Variants in RPS6KC1 observed in about 807,000 individuals in gnomAD.
The protein encoded by RPS6KC1 is inactive ribosomal protein S6 kinase delta-1.
A neutral mutation model predicts 103.8 loss-of-function variants in RPS6KC1; 54 were observed. That is an observed-to-expected ratio of 0.52 (90% confidence interval 0.42 to 0.65). RPS6KC1 has a LOEUF of 0.65. Among genes scored for constraint, RPS6KC1 ranks in the 30% least tolerant of loss-of-function variants. RPS6KC1 has a pLI of 0.00. For missense variants in RPS6KC1, 1,151 were observed against 1,253.8 expected (o/e 0.92, Z 1.24); for synonymous variants, 439 against 438.7 (o/e 1.00, Z -0.01).
chr1:213,054,572 A>G (rs1353411421), intron 1 of RPS6KC1, among the ~76,000 whole-genome samples: 1 of 152,222 alleles, frequency 6.6e-6, no homozygotes, highest in Non-Finnish European at 1.5e-5. Context: ...TCTAGCTTCA[A>G]GGAACAATTT....
intron 14 of RPS6KC1, among the ~76,000 whole-genome samples, chr1:213,266,471 C>T (rs2094914441): frequency 2.6e-5 from 4 of 152,098 alleles, no homozygotes. Flanking sequence ...ATTTGAGTGG[C>T]TGTGGCTTCA....
chr1:213,166,330 A>G (rs1250941738), intron 6 of RPS6KC1, among the ~76,000 whole-genome samples: 7 of 152,270 alleles, frequency 4.6e-5, no homozygotes, highest in African/African-American at 1.7e-4. Flanking sequence ...CTCCAGACAC[A>G]GTAAACCCTA....
intron 8 of RPS6KC1, among the ~76,000 whole-genome samples, chr1:213,195,523 T>C (rs2092912600): frequency 6.6e-6 from 1 of 152,214 alleles, no homozygotes; most frequent in Non-Finnish European, 1.5e-5. Context: ...GAATAAGTTC[T>C]TTAGTGGTGA....
the RPS6KC1 span, among the ~76,000 whole-genome samples, chr1:213,539,658 C>T: frequency 6.6e-6 from 1 of 152,212 alleles, no homozygotes; most frequent in African/African-American, 2.4e-5. Context: ...GCCCAGCTGT[C>T]TCTAGTGAGG....
At chr1:213,426,512 C>A in the RPS6KC1 span, among the ~76,000 whole-genome samples, 1,114 of 152,270 alleles carry the variant, frequency 7.3e-3, 15 homozygotes, top group African/African-American at 0.026. Flanking sequence ...CCTTCTATGT[C>A]AATTTTATTT....
the RPS6KC1 span, among the ~76,000 whole-genome samples, chr1:213,561,110 A>C: frequency 6.6e-6 from 1 of 152,208 alleles, no homozygotes; most frequent in African/African-American, 2.4e-5. Context: ...ACCTCAGAGC[A>C]GGGTCTGGTC....
chr1:213,834,107 C>T, the RPS6KC1 span, among the ~76,000 whole-genome samples: 3 of 152,088 alleles, frequency 2.0e-5, no homozygotes, highest in East Asian at 1.9e-4. Context: ...GGCACAATCA[C>T]GGCTCACTGC....
chr1:213,177,296 T>A (rs1455412050), intron 8 of RPS6KC1, among the ~76,000 whole-genome samples: 1 of 152,220 alleles, frequency 6.6e-6, no homozygotes, highest in African/African-American at 2.4e-5. Context: ...GCTTTACCAT[T>A]CAAAGTAAAT....
chr1:213,464,872 A>C, the RPS6KC1 span, among the ~76,000 whole-genome samples: 1 of 152,044 alleles, frequency 6.6e-6, no homozygotes, highest in African/African-American at 2.4e-5. Context: ...TGTGCCACAT[A>C]GTTCTCTCTT....
At chr1:213,333,525 G>A in the RPS6KC1 span, among the ~76,000 whole-genome samples, 1 of 152,220 alleles carries the variant, frequency 6.6e-6, no homozygotes, top group African/African-American at 2.4e-5. Context: ...GAGGTGCTCA[G>A]GGTCAGGTTT....
the RPS6KC1 span, among the ~76,000 whole-genome samples, chr1:213,746,377 C>A: frequency 2.6e-4 from 40 of 152,224 alleles, no homozygotes; most frequent in African/African-American, 9.4e-4. Context: ...AGCACAGCAG[C>A]CCTAAAGTGA....
chr1:213,666,746 T>C, the RPS6KC1 span, among the ~76,000 whole-genome samples: 1 of 152,218 alleles, frequency 6.6e-6, no homozygotes, highest in African/African-American at 2.4e-5. Flanking sequence ...AAAACAAGCC[T>C]GCTCTTACGG....
chr1:213,779,389 C>T, the RPS6KC1 span, among the ~76,000 whole-genome samples: 1 of 152,338 alleles, frequency 6.6e-6, no homozygotes, highest in South Asian at 2.1e-4. Context: ...CTATCTAACT[C>T]CTGGTGCTCA....
At chr1:213,714,817 G>T in the RPS6KC1 span, among the ~76,000 whole-genome samples, 1 of 152,152 alleles carries the variant, frequency 6.6e-6, no homozygotes, top group Non-Finnish European at 1.5e-5. Flanking sequence ...TGCCGCTGGT[G>T]GGGGTGGAGG....
intron 3 of RPS6KC1, among the ~76,000 whole-genome samples, chr1:213,092,110 G>A (rs1474009817): frequency 6.6e-6 from 1 of 152,050 alleles, no homozygotes; most frequent in Admixed American, 6.6e-5. Flanking sequence ...GCAAATGTTA[G>A]TGCAGTAAAA....
At chr1:213,341,931 A>G in the RPS6KC1 span, among the ~76,000 whole-genome samples, 7 of 152,332 alleles carry the variant, frequency 4.6e-5, no homozygotes, top group East Asian at 3.9e-4. Flanking sequence ...TAGCTTGGGT[A>G]GAGTGCTTAG....
the RPS6KC1 span, among the ~76,000 whole-genome samples, chr1:213,308,316 G>GAA: frequency 3.0e-4 from 17 of 55,804 alleles, no homozygotes; most frequent in East Asian, 3.6e-3. Context: ...CCTGTCTCCA[G>GAA]AAAAAAAAAA....
At chr1:213,205,776 A>G (rs1171071286) in intron 8 of RPS6KC1, among the ~76,000 whole-genome samples, 1 of 151,776 alleles carries the variant, frequency 6.6e-6, no homozygotes, top group African/African-American at 2.4e-5. Flanking sequence ...TTAAATGTAT[A>G]TATTATTTAA....
At chr1:213,317,954 A>G in the RPS6KC1 span, among the ~76,000 whole-genome samples, 1 of 152,230 alleles carries the variant, frequency 6.6e-6, no homozygotes, top group South Asian at 2.1e-4. Flanking sequence ...GCAACTGTGC[A>G]TGACACAGAG....
Sources: gnomAD v4.1 joint callset for allele counts (sites outside exome capture counted in the v4.1 genomes callset) on GRCh38, gnomAD v4.1.1 for gene constraint, MANE v1.5 for transcripts, NCBI Gene and HGNC (gene_info 2026-07-23, HGNC 2026-07-21) for gene names.